The following GRK5 variants were observed in gnomAD, a reference collection of about 807,000 sequenced individuals.
GRK5 encodes the protein g protein-coupled receptor kinase GRK5.
In GRK5, 40 loss-of-function variants were observed where a neutral mutation model predicts 78.4. The ratio of observed to expected loss-of-function variants is 0.51; its 90% CI spans 0.40 to 0.66. The LOEUF (loss-of-function observed/expected upper bound fraction) is 0.66, where lower values mean the gene tolerates loss of function less well. GRK5 is among the 30% of genes least tolerant of loss of function. The pLI is 0.00. For synonymous variants in GRK5, 289 were observed against 296.8 expected (o/e 0.97, Z 0.27); for missense variants, 598 against 759.9 (o/e 0.79, Z 2.50).
At chr10:119,371,567 CAT>C (rs1295448496) in intron 2 of GRK5, among the ~76,000 whole-genome samples, 1 of 152,196 alleles carries the variant, frequency 6.6e-6, no homozygotes, top group East Asian at 1.9e-4. Flanking sequence ...TGGTGGGACA[CAT>C]GTGGCCTGCT....
intron 6 of GRK5, among the ~76,000 whole-genome samples, chr10:119,429,840 C>T (rs925535545): frequency 1.3e-5 from 2 of 152,098 alleles, no homozygotes; most frequent in African/African-American, 4.8e-5. Flanking sequence ...GTCTTCTGGG[C>T]CAGCAGCAGG....
intron 1 of GRK5, among the ~76,000 whole-genome samples, chr10:119,257,810 ACTTGTGTGCAGCT>A (rs1206581438): frequency 1.3e-5 from 2 of 152,144 alleles, no homozygotes; most frequent in Non-Finnish European, 2.9e-5. Flanking sequence ...GGTGCCTCCG[ACTTGTGTGCAGCT>A]CCTCAGTTAT....
rs549441596 is a variant in GRK5 at position 119,443,572 on chromosome 10, C to T, written c.1086C>T (p.Tyr362=). Residue 362 remains tyrosine, a synonymous_variant, in exon 12 of 16, where the codon TAC becomes TAT. Transcript: ENST00000392870. ...MAPEVLNNQR[Y]GLSPDYWGLG... ...CAGAGGTCCTGAACAACCAGAGGTA[C>T]GGCCTGAGCCCCGACTACTGGGGCC... 12 of 1,611,274 alleles carry T rather than the reference C, an allele frequency of 7.4e-6. No individual in the cohort carries two copies. The highest frequency in any genetic ancestry group is 1.7e-4 in the Middle Eastern group (1 of 6,052).
At chr10:119,260,810 T>C (rs1252465333) in intron 1 of GRK5, among the ~76,000 whole-genome samples, 3 of 151,372 alleles carry the variant, frequency 2.0e-5, no homozygotes, top group Non-Finnish European at 3.0e-5. Flanking sequence ...TACTTCTTTC[T>C]ACACAGACAC....
intron 1 of GRK5, among the ~76,000 whole-genome samples, chr10:119,244,781 C>G (rs1016292483): frequency 1.3e-5 from 2 of 152,158 alleles, no homozygotes; most frequent in African/African-American, 4.8e-5. Flanking sequence ...GCTGTCACCT[C>G]ATACCTGTTA....
At chr10:119,343,773 C>A (rs1564898575) in intron 2 of GRK5, among the ~76,000 whole-genome samples, 1 of 152,212 alleles carries the variant, frequency 6.6e-6, no homozygotes, top group Admixed American at 6.5e-5. Context: ...ATTGAATGTT[C>A]ATCTCTGATA....
intron 2 of GRK5, among the ~76,000 whole-genome samples, chr10:119,360,497 A>G (rs1344217363): frequency 8.3e-6 from 1 of 120,570 alleles, no homozygotes; most frequent in Non-Finnish European, 1.7e-5. Context: ...CCTGTGCGAG[A>G]GGGAGGAGCC....
chr10:119,252,328 C>A (rs529387259), intron 1 of GRK5, among the ~76,000 whole-genome samples: 3 of 152,176 alleles, frequency 2.0e-5, no homozygotes, highest in Non-Finnish European at 4.4e-5. Context: ...CCTTTTGGAA[C>A]CTGAAGGGCA....
At chr10:119,245,233 G>A (rs1429102214) in intron 1 of GRK5, among the ~76,000 whole-genome samples, 2 of 151,958 alleles carry the variant, frequency 1.3e-5, no homozygotes, top group Non-Finnish European at 2.9e-5. Context: ...AGCCAAGATC[G>A]CACTACTGCA....
intron 1 of GRK5, among the ~76,000 whole-genome samples, chr10:119,288,696 G>A (rs1015172184): frequency 1.1e-4 from 16 of 152,198 alleles, no homozygotes; most frequent in Admixed American, 7.2e-4. Flanking sequence ...ACTGGCTTAG[G>A]TGTGTGTGGG....
chr10:119,322,741 C>G (rs1212585689), intron 1 of GRK5, among the ~76,000 whole-genome samples: 1 of 152,182 alleles, frequency 6.6e-6, no homozygotes, highest in African/African-American at 2.4e-5. Context: ...GTCAAGAGTG[C>G]TTCATCAGTT....
chr10:119,234,041 C>A (rs1041097080), intron 1 of GRK5, among the ~76,000 whole-genome samples: 1 of 152,216 alleles, frequency 6.6e-6, no homozygotes, highest in Non-Finnish European at 1.5e-5. Flanking sequence ...TATCTGTGAA[C>A]GTATGATATA....
At chr10:119,415,108 AAG>A (rs1386222979) in intron 4 of GRK5, among the ~76,000 whole-genome samples, 1 of 151,458 alleles carries the variant, frequency 6.6e-6, no homozygotes, top group Non-Finnish European at 1.5e-5. Context: ...AAAAAAGAAA[AAG>A]AAAAAAGAAA....
chr10:119,230,678 A>G (rs1848812551), intron 1 of GRK5, among the ~76,000 whole-genome samples: 1 of 151,884 alleles, frequency 6.6e-6, no homozygotes, highest in Non-Finnish European at 1.5e-5. Context: ...TCTCTACAAA[A>G]AATAAAAAAA....
At position 119,412,971 on chromosome 10, in the gene GRK5, G is replaced by T. The variant is rs1202820681; in HGVS notation, c.340-10195G>T. Among the ~76,000 whole-genome samples, 1 of 152,180 alleles carries T rather than the reference G, an allele frequency of 6.6e-6. No individual in the cohort carries two copies. The highest frequency in any genetic ancestry group is 1.5e-5 in the Non-Finnish European group (1 of 68,036). Reference sequence around the variant, plus strand: ...TTGGCCGTGTGAAGAGCACTTGGAGGCCTCCTGCTCACCTGGCCTAAGCCC... The same window carrying T: ...TTGGCCGTGTGAAGAGCACTTGGAGTCCTCCTGCTCACCTGGCCTAAGCCC... On this transcript the variant is annotated intron_variant, in intron 4 of 15. Coordinates refer to ENST00000392870, the MANE Select transcript of GRK5 (RefSeq NM_005308.3). The surrounding 1 kb of genome is among the most constrained non-coding windows in gnomAD (Gnocchi z 4.3).
chr10:119,347,454 T>A (rs117986660), intron 2 of GRK5, among the ~76,000 whole-genome samples: 7,085 of 152,266 alleles, frequency 0.047, 313 homozygotes, highest in East Asian at 0.23. Flanking sequence ...TTTGCAAGTA[T>A]GTGCGTGTTT....
chr10:119,301,700 C>T (rs917811736), intron 1 of GRK5, among the ~76,000 whole-genome samples: 5 of 152,220 alleles, frequency 3.3e-5, no homozygotes, highest in East Asian at 1.9e-4. Context: ...ACTTTGACCA[C>T]GCCTCCTTAC....
chr10:119,409,406 A>G (rs1252639753), intron 4 of GRK5, among the ~76,000 whole-genome samples: 3 of 152,154 alleles, frequency 2.0e-5, no homozygotes, highest in Admixed American at 2.0e-4. Flanking sequence ...ATGACCATCC[A>G]GGTCAGAAAA....
chr10:119,217,905 G>C lies in GRK5; in HGVS notation c.52+9936G>C, dbSNP rs1488174100. 6.6e-6 allele frequency among the ~76,000 whole-genome samples: 1 copy of C among 152,196 alleles called. No individual in the cohort carries two copies. Among genetic ancestry groups the C allele is most frequent in the African/African-American group, 2.4e-5 (1 of 41,444 alleles). Reference sequence around the variant, plus strand: ...TACTACCCAAGTAGGGGGTTAGAGAGGGGGAGGCGAGGAGGGTTTTTCTTG... The same window carrying C: ...TACTACCCAAGTAGGGGGTTAGAGACGGGGAGGCGAGGAGGGTTTTTCTTG... On this transcript the variant is annotated intron_variant, in intron 1 of 15. Coordinates refer to ENST00000392870, the MANE Select transcript of GRK5 (RefSeq NM_005308.3). This position sits in a 1 kb window ranked among gnomAD's most constrained non-coding sequence, Gnocchi z 4.1.
Sources: allele counts gnomAD v4.1 joint callset (sites outside exome capture counted in the v4.1 genomes callset), GRCh38; gene constraint gnomAD v4.1.1; non-coding constraint Gnocchi (gnomAD v3.1); transcripts MANE v1.5; gene names NCBI Gene and HGNC (gene_info 2026-07-23, HGNC 2026-07-21).